NRXN3: variants seen among roughly 807,000 people sequenced by gnomAD.
NRXN3 encodes the protein neurexin 3, also known as neurexin III.
A neutral mutation model predicts 137.6 loss-of-function variants in NRXN3; 32 were observed. That is an observed-to-expected ratio of 0.23 (90% CI 0.18 to 0.31). The LOEUF (loss-of-function observed/expected upper bound fraction) is 0.31. Ranked by LOEUF, NRXN3 falls within the 10% of genes least tolerant of loss-of-function variation. The pLI is 1.00. For synonymous variants in NRXN3, 798 were observed against 784.5 expected (o/e 1.02, Z -0.29); for missense variants, 1,574 against 2,062.5 (o/e 0.76, Z 4.59).
intron 6 of NRXN3, among the ~76,000 whole-genome samples, chr14:78,666,333 G>A (rs2097886236): frequency 6.6e-6 from 1 of 152,062 alleles, no homozygotes; most frequent in East Asian, 1.9e-4. Flanking sequence ...AGCTCAGGAA[G>A]ATAAAAAATG....
At chr14:78,965,349 A>G (rs1233743600) in intron 11 of NRXN3, among the ~76,000 whole-genome samples, 4 of 152,158 alleles carry the variant, frequency 2.6e-5, no homozygotes, top group Admixed American at 1.3e-4. Flanking sequence ...TGATTCTGAT[A>G]CACCCTAAAG....
chr14:79,338,914 C>T (rs2092437625), intron 15 of NRXN3, among the ~76,000 whole-genome samples: 2 of 152,090 alleles, frequency 1.3e-5, no homozygotes, highest in South Asian at 2.1e-4. Flanking sequence ...AGTCACTGTT[C>T]AGAATGAAAA....
At chr14:79,715,755 A>G (rs952766235) in intron 19 of NRXN3, among the ~76,000 whole-genome samples, 9 of 152,228 alleles carry the variant, frequency 5.9e-5, no homozygotes, top group African/African-American at 2.2e-4. Flanking sequence ...AAGACAGCAG[A>G]AAAGGACCTG....
At chr14:78,387,018 T>C (rs1409304576) in intron 4 of NRXN3, among the ~76,000 whole-genome samples, 1 of 152,106 alleles carries the variant, frequency 6.6e-6, no homozygotes, top group Non-Finnish European at 1.5e-5. Flanking sequence ...CTGACTCAAA[T>C]GATCCACCCT....
chr14:78,745,427 C>T (rs2098602617), intron 8 of NRXN3: 1 of 152,252 alleles, frequency 6.6e-6, no homozygotes, highest in Non-Finnish European at 1.5e-5. Flanking sequence ...CACATCATTT[C>T]TTTACATACA....
At chr14:78,973,147 G>A (rs1233654055) in intron 14 of NRXN3, among the ~76,000 whole-genome samples, 1 of 152,116 alleles carries the variant, frequency 6.6e-6, no homozygotes, top group African/African-American at 2.4e-5. Context: ...ATTTTGGGGG[G>A]TACCAAAGAG....
chr14:79,422,564 A>C, intron 15 of NRXN3, among the ~76,000 whole-genome samples: 1 of 152,230 alleles, frequency 6.6e-6, no homozygotes, highest in African/African-American at 2.4e-5. Context: ...GTAGAGCCAC[A>C]TAAGAAGGTA....
chr14:78,825,262 A>G (rs1276926277), intron 10 of NRXN3, among the ~76,000 whole-genome samples: 1 of 151,616 alleles, frequency 6.6e-6, no homozygotes. Flanking sequence ...TATTCTTTTT[A>G]TAGGCTTCTG....
At chr14:78,940,473 C>T (rs756333733) in intron 10 of NRXN3, among the ~76,000 whole-genome samples, 1 of 152,174 alleles carries the variant, frequency 6.6e-6, no homozygotes, top group African/African-American at 2.4e-5. Flanking sequence ...TCACTCTCTA[C>T]TCCATTAGAC....
chr14:79,045,896 C>T (rs2099632398), intron 15 of NRXN3, among the ~76,000 whole-genome samples: 1 of 152,054 alleles, frequency 6.6e-6, no homozygotes, highest in Non-Finnish European at 1.5e-5. Flanking sequence ...TTTAAAAACT[C>T]CCAAGTGATG....
At chr14:78,523,816 CAAAAAAAAAAA>C (rs56083130) in intron 4 of NRXN3, among the ~76,000 whole-genome samples, 1,581 of 61,558 alleles carry the variant, frequency 0.026, 27 homozygotes, top group Non-Finnish European at 0.03. Context: ...GACTCTGTCT[CAAAAAAAAAAA>C]AAAAAAAAAA....
chr14:79,712,976 T>G (rs1214531425), intron 19 of NRXN3, among the ~76,000 whole-genome samples: 1 of 152,102 alleles, frequency 6.6e-6, no homozygotes, highest in Non-Finnish European at 1.5e-5. Context: ...CATTGAGACA[T>G]TGCTCATCTG....
At chr14:79,656,410 G>T (rs1483209194) in intron 16 of NRXN3, among the ~76,000 whole-genome samples, 1 of 152,124 alleles carries the variant, frequency 6.6e-6, no homozygotes, top group Non-Finnish European at 1.5e-5. Context: ...CATGACATTG[G>T]GGTCTGTGAA....
intron 20 of NRXN3, among the ~76,000 whole-genome samples, chr14:79,829,069 T>C (rs993931568): frequency 1.3e-5 from 2 of 152,182 alleles, no homozygotes; most frequent in African/African-American, 2.4e-5. Flanking sequence ...ACTTGTTCAA[T>C]ATGTAATTTT....
At chr14:79,298,985 A>T (rs2084679281) in intron 15 of NRXN3, 2 of 152,390 alleles carry the variant, frequency 1.3e-5, no homozygotes, top group Admixed American at 1.3e-4. Flanking sequence ...AGGACCTTTG[A>T]GTGATGAGGC....
chr14:79,591,375 T>G (rs2097801966), intron 16 of NRXN3, among the ~76,000 whole-genome samples: 1 of 152,174 alleles, frequency 6.6e-6, no homozygotes, highest in Admixed American at 6.5e-5. Flanking sequence ...CAATAAGCAA[T>G]CCAGTGTTAG....
intron 10 of NRXN3, among the ~76,000 whole-genome samples, chr14:78,828,003 A>G (rs2098971833): frequency 6.6e-6 from 1 of 152,202 alleles, no homozygotes; most frequent in African/African-American, 2.4e-5. Context: ...GATTTGTAAC[A>G]AAGAATGGGT....
chr14:79,159,259 C>T (rs1203441599), intron 15 of NRXN3, among the ~76,000 whole-genome samples: 1 of 151,700 alleles, frequency 6.6e-6, no homozygotes, highest in Non-Finnish European at 1.5e-5. Flanking sequence ...TTTTTAGAAT[C>T]ATAGTGATGA....
intron 2 of NRXN3, among the ~76,000 whole-genome samples, chr14:78,262,868 G>A (rs1005776056): frequency 3.3e-5 from 5 of 151,970 alleles, no homozygotes; most frequent in East Asian, 1.9e-4. Flanking sequence ...ACTACGTTTC[G>A]GGCACTGTGA....
Sources: allele counts gnomAD v4.1 joint callset (sites outside exome capture counted in the v4.1 genomes callset), GRCh38; gene constraint gnomAD v4.1.1; transcripts MANE v1.5; gene names NCBI Gene and HGNC (gene_info 2026-07-23, HGNC 2026-07-21).